MSI2: variants seen among roughly 807,000 people sequenced by gnomAD.
MSI2 encodes musashi RNA binding protein 2, also known as RNA-binding protein Musashi homolog 2.
MSI2 carries 17 observed loss-of-function variants against 45.6 expected under a neutral mutation model. The observed-to-expected ratio is 0.37, with a 90% CI of 0.26 to 0.56. The LOEUF (loss-of-function observed/expected upper bound fraction) is 0.56. MSI2 is among the 20% of genes least tolerant of loss of function. The pLI is 0.77. For synonymous variants in MSI2, 156 were observed against 158.2 expected (o/e 0.99, Z 0.11); for missense variants, 293 against 444.2 (o/e 0.66, Z 3.06).
At chr17:57,463,202 G>A (rs1249242870) in intron 6 of MSI2, among the ~76,000 whole-genome samples, 2 of 152,198 alleles carry the variant, frequency 1.3e-5, no homozygotes, top group African/African-American at 2.4e-5. Flanking sequence ...TCCGTCTGGA[G>A]TGTCAAGCCT....
intron 6 of MSI2, 65 bp downstream of exon 6, chr17:57,401,536 T>C (rs1046063905): frequency 1.5e-6 from 2 of 1,297,412 alleles, no homozygotes; most frequent in Admixed American, 3.4e-5. Context: ...AAGAAGAGGC[T>C]ACCGTGGCCC....
At chr17:57,256,836 C>T (rs1906769939) in intron 1 of MSI2, 32 bp downstream of exon 1, 1 of 1,429,840 alleles carries the variant, frequency 7.0e-7, no homozygotes, top group Admixed American at 2.9e-5. Flanking sequence ...ACCGCGCCGC[C>T]TTGGGCTCGC....
At chr17:57,502,591 G>A (rs1315569991) in intron 6 of MSI2, among the ~76,000 whole-genome samples, 1 of 74,578 alleles carries the variant, frequency 1.3e-5, no homozygotes, top group Non-Finnish European at 2.6e-5. Flanking sequence ...GAATGGAGAA[G>A]ATGACTCTGA....
chr17:57,667,015 T>G (rs1912416810), intron 11 of MSI2, among the ~76,000 whole-genome samples: 1 of 152,218 alleles, frequency 6.6e-6, no homozygotes. Context: ...CTATTTCCTG[T>G]GGAGTCTCAG....
intron 6 of MSI2, among the ~76,000 whole-genome samples, chr17:57,424,276 C>A (rs1008678973): frequency 6.6e-6 from 1 of 152,236 alleles, no homozygotes; most frequent in Non-Finnish European, 1.5e-5. Context: ...AGGTATCCTT[C>A]TGGGATGAGG....
At chr17:57,676,822 G>T (rs1470195461) in intron 12 of MSI2, among the ~76,000 whole-genome samples, 165 bp from the exon 13 acceptor site, 1 of 152,212 alleles carries the variant, frequency 6.6e-6, no homozygotes, top group African/African-American at 2.4e-5. Flanking sequence ...GGGATTTGGA[G>T]CTGAGGAGGA....
At chr17:57,351,946 A>T (rs1293582456) in intron 5 of MSI2, among the ~76,000 whole-genome samples, 2 of 152,274 alleles carry the variant, frequency 1.3e-5, no homozygotes, top group African/African-American at 4.8e-5. Flanking sequence ...ATGAATGGAT[A>T]GATGAGTGAG....
At chr17:57,485,302 G>T (rs1213691087) in intron 6 of MSI2, among the ~76,000 whole-genome samples, 1 of 152,096 alleles carries the variant, frequency 6.6e-6, no homozygotes, top group Admixed American at 6.5e-5. Context: ...TTCTCTGTTG[G>T]GTTACTTTCA....
chr17:57,436,823 G>C (rs1377054347), intron 6 of MSI2, among the ~76,000 whole-genome samples: 2 of 152,196 alleles, frequency 1.3e-5, no homozygotes, highest in Admixed American at 1.3e-4. Flanking sequence ...AGGTCAGACA[G>C]GGTTATTCTG....
chr17:57,595,130 T>C (rs1221205142), intron 7 of MSI2, among the ~76,000 whole-genome samples: 2 of 152,140 alleles, frequency 1.3e-5, no homozygotes, highest in African/African-American at 4.8e-5. Context: ...CCTTGGAAGA[T>C]GGTGATGTTA....
intron 5 of MSI2, among the ~76,000 whole-genome samples, chr17:57,277,109 G>A (rs1301565940): frequency 6.8e-6 from 1 of 146,660 alleles, no homozygotes; most frequent in Non-Finnish European, 1.5e-5. Flanking sequence ...AGGCTGGAGT[G>A]CAGTAGCAGG....
At chr17:57,569,568 T>C (rs572626533) in intron 7 of MSI2, among the ~76,000 whole-genome samples, 1 of 152,352 alleles carries the variant, frequency 6.6e-6, no homozygotes, top group East Asian at 1.9e-4. Flanking sequence ...AAGGCACCTA[T>C]TTCTGGAGAG....
intron 5 of MSI2, among the ~76,000 whole-genome samples, chr17:57,317,366 TA>T (rs1184801340): frequency 2.0e-5 from 3 of 152,196 alleles, no homozygotes; most frequent in Admixed American, 6.5e-5. Flanking sequence ...GGGAAAATTT[TA>T]ACCCCATCAG....
Position 57,396,457 on chromosome 17 carries a change from T to G in MSI2, c.313-4922T>G, listed in dbSNP as rs558466506. 4.6e-5 allele frequency among the ~76,000 whole-genome samples: 7 copies of G among 151,930 alleles called. No individual in the cohort carries two copies. The South Asian group carries it at 1.5e-3, about 32-fold the overall frequency. On this transcript the variant is annotated intron_variant, in intron 5 of 13. Coordinates refer to ENST00000284073, the MANE Select transcript of MSI2 (RefSeq NM_138962.4). Reference sequence around the variant, plus strand: ...CACATCCCATTTGCTTTATCCTATTTTATAAAAATACAAACAGTGGTCCCA... The same window carrying G: ...CACATCCCATTTGCTTTATCCTATTGTATAAAAATACAAACAGTGGTCCCA...
intron 5 of MSI2, among the ~76,000 whole-genome samples, chr17:57,390,558 G>A (rs549490435): frequency 3.0e-4 from 46 of 152,322 alleles, no homozygotes; most frequent in African/African-American, 1.1e-3. Flanking sequence ...TGATTGCCAC[G>A]TACATCTAAA....
chr17:57,344,961 G>T (rs1915480961), intron 5 of MSI2, among the ~76,000 whole-genome samples: 1 of 152,152 alleles, frequency 6.6e-6, no homozygotes, highest in Admixed American at 6.5e-5. Context: ...TACTCAGGAG[G>T]CTGAGGCAGG....
chr17:57,443,610 G>A (rs1443283330), intron 6 of MSI2, among the ~76,000 whole-genome samples: 2 of 152,162 alleles, frequency 1.3e-5, no homozygotes, highest in Non-Finnish European at 2.9e-5. Context: ...AGGTCGAAGA[G>A]CAAGTTAGGG....
chr17:57,661,492 C>T (rs2144713188), intron 11 of MSI2, among the ~76,000 whole-genome samples: 1 of 152,168 alleles, frequency 6.6e-6, no homozygotes, highest in Middle Eastern at 3.4e-3. Flanking sequence ...GCAAGTGGCG[C>T]TCAGTAAGGA....
intron 6 of MSI2, among the ~76,000 whole-genome samples, chr17:57,524,142 C>A (rs1031867127): frequency 6.6e-6 from 1 of 152,212 alleles, no homozygotes; most frequent in Admixed American, 6.5e-5. Flanking sequence ...CCTGGGCATG[C>A]CCTTGTCATG....
Sources: gnomAD v4.1 joint callset for allele counts (sites outside exome capture counted in the v4.1 genomes callset) on GRCh38, gnomAD v4.1.1 for gene constraint, MANE v1.5 for transcripts, NCBI Gene and HGNC (gene_info 2026-07-23, HGNC 2026-07-21) for gene names.